Variants in ANO6 observed in about 807,000 individuals in gnomAD.
The protein encoded by ANO6 is anoctamin-6.
In ANO6, 106 loss-of-function variants were observed where a neutral mutation model predicts 117.5. That is an observed-to-expected ratio of 0.90 (90% CI 0.77 to 1.06). The LOEUF (loss-of-function observed/expected upper bound fraction) is 1.06, where lower values mean the gene tolerates loss of function less well. ANO6 is among the 50% of genes least tolerant of loss of function. ANO6 has a pLI of 0.00. For synonymous variants in ANO6, 367 were observed against 385.1 expected (o/e 0.95, Z 0.55); for missense variants, 955 against 1,121.1 (o/e 0.85, Z 2.12).
intron 2 of ANO6, among the ~76,000 whole-genome samples, chr12:45,329,814 C>T (rs1940601568): frequency 6.6e-6 from 1 of 151,974 alleles, no homozygotes; most frequent in Admixed American, 6.6e-5. Context: ...TGGTTGTCAC[C>T]CATAGTATAG....
At chr12:45,279,973 G>A (rs560235026) in intron 1 of ANO6, among the ~76,000 whole-genome samples, 1 of 152,272 alleles carries the variant, frequency 6.6e-6, no homozygotes, top group South Asian at 2.1e-4. Context: ...TAAAAATTGT[G>A]GATTTTTTTT....
chr12:45,421,703 G>A (rs1321224616), intron 18 of ANO6, among the ~76,000 whole-genome samples: 1 of 152,192 alleles, frequency 6.6e-6, no homozygotes, highest in Non-Finnish European at 1.5e-5. Flanking sequence ...ACAATCTGAA[G>A]ATATTGAATG....
intron 15 of ANO6, among the ~76,000 whole-genome samples, 176 bp downstream of exon 15, chr12:45,403,712 A>C (rs1247067160): frequency 6.6e-6 from 1 of 152,186 alleles, no homozygotes; most frequent in Non-Finnish European, 1.5e-5. Context: ...AACAATGCAA[A>C]TGTATCCAGG....
rs1251606041 is a variant in ANO6 at position 45,374,130 on chromosome 12, A to G, written c.1105-3923A>G. On this transcript the variant is annotated intron_variant, in intron 9 of 19. Coordinates refer to ENST00000320560, the MANE Select transcript of ANO6 (RefSeq NM_001025356.3). ...GAAATGGATAAATTCCTCGACACATACACTCTCCCAAGACTAAACCAGGAA... is the reference window on the plus strand; with the variant it reads ...GAAATGGATAAATTCCTCGACACATGCACTCTCCCAAGACTAAACCAGGAA... Among the ~76,000 whole-genome samples the G allele has an allele frequency of 2.7e-5, 4 of 145,890 alleles. No homozygotes were observed. The East Asian group carries it at 8.1e-4, about 30-fold the overall frequency.
At chr12:45,344,623 A>G (rs951482557) in intron 3 of ANO6, among the ~76,000 whole-genome samples, 4 of 152,174 alleles carry the variant, frequency 2.6e-5, no homozygotes, top group Non-Finnish European at 5.9e-5. Context: ...CCCTCCCCTA[A>G]CATTGGAGAT....
chr12:45,367,876 C>A, intron 9 of ANO6, 83 bp downstream of exon 9: 1 of 1,009,008 alleles, frequency 9.9e-7, no homozygotes, highest in Non-Finnish European at 1.5e-6. Context: ...AGTATTGTAT[C>A]TTTTTTCCTC....
At chr12:45,311,351 G>A (rs1372937397) in intron 2 of ANO6, among the ~76,000 whole-genome samples, 1 of 152,072 alleles carries the variant, frequency 6.6e-6, no homozygotes, top group Non-Finnish European at 1.5e-5. Context: ...GAAGCTCCGT[G>A]TGAATTGAGC....
chr12:45,287,930 C>T (rs540920354), intron 1 of ANO6, among the ~76,000 whole-genome samples: 1 of 152,280 alleles, frequency 6.6e-6, no homozygotes, highest in East Asian at 1.9e-4. Context: ...TAAAACATAA[C>T]AATTTTTAAA....
chr12:45,275,808 C>T (rs949389154), intron 1 of ANO6, among the ~76,000 whole-genome samples: 1 of 152,198 alleles, frequency 6.6e-6, no homozygotes, highest in African/African-American at 2.4e-5. Context: ...GCATTTCCTT[C>T]ATTACTTGGC....
At chr12:45,326,392 A>G (rs1232550452) in intron 2 of ANO6, among the ~76,000 whole-genome samples, 4 of 152,228 alleles carry the variant, frequency 2.6e-5, no homozygotes, top group African/African-American at 9.6e-5. Context: ...AACAGAAATT[A>G]TTTGTGTACC....
intron 12 of ANO6, among the ~76,000 whole-genome samples, chr12:45,398,251 A>G (rs1267205756): frequency 4.6e-5 from 7 of 152,210 alleles, no homozygotes; most frequent in East Asian, 1.9e-4. Context: ...TTAATGTGCA[A>G]TTACAAAGGA....
Position 45,431,626 on chromosome 12 carries a change from G to T in ANO6, c.*2315G>T. ...AGAGCAAAGTTGTAGTGGAGATGCA[G>T]GGTCATTTCCCCATGCCATCCACAG... On this transcript the variant is annotated 3_prime_UTR_variant, in exon 20 of 20. Transcript: ENST00000320560. The T allele has an allele frequency of 1.9e-5, 19 of 985,454 alleles. No homozygotes were observed. The highest frequency in any genetic ancestry group is 2.3e-5 in the Non-Finnish European group (19 of 829,942). 61.0% of individuals were successfully genotyped at this position (985,454 alleles called of 1,614,324 possible).
chr12:45,268,476 C>T (rs1372157346), intron 1 of ANO6, among the ~76,000 whole-genome samples: 1 of 152,108 alleles, frequency 6.6e-6, no homozygotes, highest in Non-Finnish European at 1.5e-5. Context: ...GCTGAAATTG[C>T]ACCGCTGCAT....
intron 12 of ANO6, 77 bp from the exon 13 acceptor site, chr12:45,401,718 A>C (rs1942792371): frequency 8.7e-7 from 1 of 1,151,016 alleles, no homozygotes; most frequent in Non-Finnish European, 1.3e-6. Flanking sequence ...ACACCTTGTT[A>C]AGTGTGAGTT....
At chr12:45,397,548 C>T (rs1424011195) in intron 12 of ANO6, among the ~76,000 whole-genome samples, 1 of 152,128 alleles carries the variant, frequency 6.6e-6, no homozygotes, top group Non-Finnish European at 1.5e-5. Context: ...ATGTTTATTG[C>T]AGCACTATTC....
chr12:45,236,691 G>A (rs188987263), intron 1 of ANO6, among the ~76,000 whole-genome samples: 17 of 152,304 alleles, frequency 1.1e-4, no homozygotes, highest in South Asian at 2.1e-4. Context: ...ATAAACATAC[G>A]TGTGCATGTG....
At chr12:45,255,994 G>A (rs551599069) in intron 1 of ANO6, among the ~76,000 whole-genome samples, 1 of 151,756 alleles carries the variant, frequency 6.6e-6, no homozygotes, top group Non-Finnish European at 1.5e-5. Flanking sequence ...CCTAATTTTT[G>A]TATTTTTTAG....
chr12:45,282,163 T>G (rs1032257128), intron 1 of ANO6, among the ~76,000 whole-genome samples: 1 of 152,198 alleles, frequency 6.6e-6, no homozygotes, highest in Non-Finnish European at 1.5e-5. Flanking sequence ...TGAGTGTGTT[T>G]GTGGTTGAGA....
chr12:45,431,674 T>A lies in ANO6; in HGVS notation c.*2363T>A, dbSNP rs906524861. The stretch of plus-strand genomic sequence containing the variant: ...CAGTGTTTGTTAGTGAGTCCACGGC[T>A]GACTTGCAGTGATAAAGAAAAGCAT... On this transcript the variant is annotated 3_prime_UTR_variant, in exon 20 of 20. Transcript: ENST00000320560. The A allele has an allele frequency of 3.0e-6, 3 of 985,352 alleles. No individual in the cohort carries two copies. Among genetic ancestry groups the A allele is most frequent in the Non-Finnish European group, 3.6e-6 (3 of 829,948 alleles). The allele number at this position is 985,352 out of a possible 1,614,324, so 61.0% of individuals were successfully genotyped here.
Sources: allele counts gnomAD v4.1 joint callset (sites outside exome capture counted in the v4.1 genomes callset), GRCh38; gene constraint gnomAD v4.1.1; transcripts MANE v1.5; gene names NCBI Gene and HGNC (gene_info 2026-07-23, HGNC 2026-07-21).